The following GLRA2 variants were observed in gnomAD, a reference collection of about 807,000 sequenced individuals.
The protein encoded by GLRA2 is glycine receptor subunit alpha-2.
In GLRA2, 11 loss-of-function variants were observed where a neutral mutation model predicts 31.6. The observed-to-expected ratio is 0.35, with a 90% confidence interval of 0.22 to 0.58. The LOEUF is 0.58. GLRA2 is among the 20% of genes least tolerant of loss of function. The pLI, the probability that GLRA2 is intolerant of heterozygous loss-of-function variation, is 0.84. For synonymous variants in GLRA2, 132 were observed against 134.0 expected (o/e 0.99, Z 0.10); for missense variants, 212 against 351.8 (o/e 0.60, Z 3.18).
intron 7 of GLRA2, among the ~76,000 whole-genome samples, chrX:14,659,057 CCA>C (rs2090967398): frequency 8.9e-6 from 1 of 112,124 alleles, no homozygotes; most frequent in South Asian, 3.7e-4. Flanking sequence ...CTTAAAGGCT[CCA>C]GTGTCCTCTA....
chrX:14,557,260 C>T (rs774362570), intron 2 of GLRA2, among the ~76,000 whole-genome samples: 6 of 106,932 alleles, frequency 5.6e-5, no homozygotes, highest in South Asian at 4.2e-4. Flanking sequence ...GGACTACAGG[C>T]GCCCACCACC....
At chrX:14,507,963 G>A in the GLRA2 span, among the ~76,000 whole-genome samples, 3 of 110,310 alleles carry the variant, frequency 2.7e-5, no homozygotes, top group Admixed American at 2.9e-4. Context: ...CAAAGTGCTG[G>A]GATTACAGGC....
chrX:14,553,559 C>T (rs1215152126), intron 2 of GLRA2, among the ~76,000 whole-genome samples: 1 of 111,065 alleles, frequency 9.0e-6, no homozygotes, highest in Non-Finnish European at 1.9e-5. Context: ...TTGGTATTCC[C>T]AGGAGCTTAC....
At chrX:14,470,557 T>C in the GLRA2 span, among the ~76,000 whole-genome samples, 49 of 111,552 alleles carry the variant, frequency 4.4e-4, no homozygotes, top group Admixed American at 1.5e-3. Context: ...AATAGCAGAA[T>C]TAATTCTAAT....
intron 7 of GLRA2, among the ~76,000 whole-genome samples, chrX:14,682,703 C>T (rs1206319758): frequency 1.1e-5 from 1 of 89,412 alleles, no homozygotes; most frequent in African/African-American, 4.1e-5. Flanking sequence ...TTTCCCCCTC[C>T]CCCCACCCCA....
chrX:14,602,070 A>C (rs771577099), intron 4 of GLRA2, among the ~76,000 whole-genome samples: 1 of 111,741 alleles, frequency 8.9e-6, no homozygotes, highest in East Asian at 2.8e-4. Context: ...GGGGGAAGAG[A>C]TAGTTTGAGG....
chrX:14,542,808 G>A (rs1193192159), intron 2 of GLRA2, among the ~76,000 whole-genome samples: 1 of 110,172 alleles, frequency 9.1e-6, no homozygotes, highest in East Asian at 2.9e-4. Context: ...CTGGTCAGTT[G>A]TTGTGTCTAA....
intron 7 of GLRA2, among the ~76,000 whole-genome samples, chrX:14,652,779 T>C (rs1033859569): frequency 3.6e-5 from 4 of 111,446 alleles, no homozygotes; most frequent in African/African-American, 6.5e-5. Context: ...CACAGCAATA[T>C]TGAAATTAGG....
the GLRA2 span, among the ~76,000 whole-genome samples, chrX:14,507,018 G>T: frequency 1.3e-4 from 14 of 111,663 alleles, no homozygotes; most frequent in Non-Finnish European, 1.9e-4. Context: ...TTGAGTAATT[G>T]CTCACAAGCT....
At chrX:14,636,986 C>G (rs914391111) in intron 7 of GLRA2, among the ~76,000 whole-genome samples, 3 of 111,796 alleles carry the variant, frequency 2.7e-5, no homozygotes, top group Non-Finnish European at 5.6e-5. Flanking sequence ...TCTATTCTCT[C>G]TCTCATTCTT....
chrX:14,524,557 TCTTAA>T (rs1363144499), upstream of GLRA2, among the ~76,000 whole-genome samples: 1 of 112,093 alleles, frequency 8.9e-6, no homozygotes, highest in Non-Finnish European at 1.9e-5. Context: ...AATAGTCTTT[TCTTAA>T]CTTCTTCATA....
chrX:14,591,695 C>T, intron 4 of GLRA2, among the ~76,000 whole-genome samples: 1 of 111,882 alleles, frequency 8.9e-6, no homozygotes, highest in Middle Eastern at 4.6e-3. Flanking sequence ...TTGCATCCTT[C>T]AATCCAATCA....
At chrX:14,639,962 A>G (rs2090755475) in intron 7 of GLRA2, among the ~76,000 whole-genome samples, 1 of 112,175 alleles carries the variant, frequency 8.9e-6, no homozygotes, top group Admixed American at 9.5e-5. Context: ...TGAATTTCAC[A>G]TATTTGGTGA....
chrX:14,717,253 A>G (rs188756455), intron 8 of GLRA2, among the ~76,000 whole-genome samples: 104 of 109,484 alleles, frequency 9.5e-4, no homozygotes, highest in African/African-American at 3.1e-3. Context: ...CAGTGCATCA[A>G]GGTGAGAGAA....
chrX:14,463,040 T>A, the GLRA2 span, among the ~76,000 whole-genome samples: 1 of 111,853 alleles, frequency 8.9e-6, no homozygotes, highest in Non-Finnish European at 1.9e-5. Flanking sequence ...GGTGTGGATG[T>A]CCTTTTTGTT....
intron 3 of GLRA2, among the ~76,000 whole-genome samples, chrX:14,577,533 G>A (rs1013909503): frequency 1.8e-5 from 2 of 112,330 alleles, no homozygotes; most frequent in Non-Finnish European, 3.8e-5. Flanking sequence ...ATTTCTAACA[G>A]TTCTGGAGGC....
At chrX:14,637,922 C>A (rs901257975) in intron 7 of GLRA2, among the ~76,000 whole-genome samples, 5 of 111,372 alleles carry the variant, frequency 4.5e-5, no homozygotes, top group Non-Finnish European at 7.6e-5. Context: ...CAAACATGCT[C>A]TTTTTTTAAA....
At chrX:14,525,872 A>G (rs1394202279), upstream of GLRA2, among the ~76,000 whole-genome samples, 10 of 111,968 alleles carry the variant, frequency 8.9e-5, no homozygotes, top group South Asian at 3.7e-4. Flanking sequence ...TTTCTGGTAT[A>G]TATTTAAAAT....
chrX:14,471,198 A>G, the GLRA2 span, among the ~76,000 whole-genome samples: 3 of 111,821 alleles, frequency 2.7e-5, no homozygotes, highest in Non-Finnish European at 3.8e-5. Context: ...TAAACACATT[A>G]ATGAGAAGAG....
Sources: allele counts gnomAD v4.1 joint callset (sites outside exome capture counted in the v4.1 genomes callset), GRCh38; gene constraint gnomAD v4.1.1; transcripts MANE v1.5; gene names NCBI Gene and HGNC (gene_info 2026-07-23, HGNC 2026-07-21).